TAF15: variants seen among roughly 807,000 people sequenced by gnomAD.
The protein encoded by TAF15 is TATA-box binding protein associated factor 15.
TAF15 carries 37 observed loss-of-function variants against 102.5 expected under a neutral mutation model. That is an observed-to-expected ratio of 0.36 (90% CI 0.28 to 0.47). The LOEUF is 0.47. Ranked by LOEUF, TAF15 falls within the 20% of genes least tolerant of loss-of-function variation. The probability of loss-of-function intolerance (pLI) is 0.99; values close to 1 mark genes in which losing one functional copy is unlikely to be tolerated. For synonymous variants in TAF15, 273 were observed against 259.2 expected (o/e 1.05, Z -0.51); for missense variants, 652 against 760.7 (o/e 0.86, Z 1.68).
intron 7 of TAF15, among the ~76,000 whole-genome samples, chr17:35,827,818 C>T (rs1367447222): frequency 2.0e-5 from 3 of 152,012 alleles, no homozygotes; most frequent in Admixed American, 6.6e-5. Context: ...GAAGAATTCC[C>T]GGTCAAAAAG....
chr17:35,832,844 T>G (rs2087423554), intron 7 of TAF15, among the ~76,000 whole-genome samples: 1 of 152,058 alleles, frequency 6.6e-6, no homozygotes, highest in Non-Finnish European at 1.5e-5. Context: ...CCACTGTCCT[T>G]GTGATTCTAA....
At chr17:35,822,315 G>A (rs970123110) in intron 5 of TAF15, among the ~76,000 whole-genome samples, 7 of 147,896 alleles carry the variant, frequency 4.7e-5, no homozygotes, top group African/African-American at 1.8e-4. Flanking sequence ...CACTCCAGCA[G>A]CCTGGGCAAC....
At chr17:35,818,723 A>G (rs1015668968) in intron 2 of TAF15, 4 of 151,988 alleles carry the variant, frequency 2.6e-5, no homozygotes, top group Non-Finnish European at 4.4e-5. Context: ...AGGTGGGAGG[A>G]TCACTTGAGC....
intron 12 of TAF15, among the ~76,000 whole-genome samples, chr17:35,843,119 T>TTTTATTTA (rs1180959131): frequency 2.6e-5 from 4 of 151,966 alleles, no homozygotes; most frequent in Non-Finnish European, 5.9e-5. Context: ...TTTTTTTATT[T>TTTTATTTA]TTTATTTATT....
At chr17:35,836,671 T>C (rs1367395211) in intron 10 of TAF15, among the ~76,000 whole-genome samples, 1 of 152,234 alleles carries the variant, frequency 6.6e-6, no homozygotes, top group Non-Finnish European at 1.5e-5. Flanking sequence ...ACTATTTTCA[T>C]GCATATGTTT....
At chr17:35,813,657 T>G (rs2087155447) in intron 1 of TAF15, among the ~76,000 whole-genome samples, 1 of 120,450 alleles carries the variant, frequency 8.3e-6, no homozygotes, top group Non-Finnish European at 1.7e-5. Flanking sequence ...AAAAAAAGAT[T>G]AAGAAACATG....
chr17:35,814,012 TTTTG>T (rs1035107095), intron 1 of TAF15, among the ~76,000 whole-genome samples: 3 of 151,696 alleles, frequency 2.0e-5, no homozygotes, highest in Admixed American at 6.6e-5. Flanking sequence ...TTGTTGTTGT[TTTTG>T]TTTTTTTTAA....
intron 12 of TAF15, among the ~76,000 whole-genome samples, chr17:35,842,764 ACT>A (rs1197116347): frequency 1.3e-5 from 2 of 151,404 alleles, no homozygotes; most frequent in South Asian, 2.1e-4. Context: ...ATGGTGTCTC[ACT>A]CTGTTGCTCA....
intron 7 of TAF15, among the ~76,000 whole-genome samples, chr17:35,831,983 C>A (rs1327889133): frequency 6.6e-6 from 1 of 152,076 alleles, no homozygotes; most frequent in African/African-American, 2.4e-5. Context: ...GAGGCTGAGG[C>A]AGGAGAATGG....
At chr17:35,814,078 A>T (rs993898440) in intron 1 of TAF15, among the ~76,000 whole-genome samples, 2 of 151,736 alleles carry the variant, frequency 1.3e-5, no homozygotes, top group East Asian at 3.9e-4. Flanking sequence ...GCTAATTTTT[A>T]AAATTTTTTG....
chr17:35,837,236 C>T (rs2087486475), intron 10 of TAF15, among the ~76,000 whole-genome samples: 1 of 152,104 alleles, frequency 6.6e-6, no homozygotes, highest in South Asian at 2.1e-4. Context: ...ACTGCAGCCT[C>T]AATCTCCTGG....
intron 5 of TAF15, among the ~76,000 whole-genome samples, chr17:35,822,054 G>A: frequency 6.6e-6 from 1 of 150,680 alleles, no homozygotes; most frequent in South Asian, 2.1e-4. Flanking sequence ...TTAATTCATA[G>A]AGATAGGCCA....
intron 9 of TAF15, among the ~76,000 whole-genome samples, chr17:35,835,177 T>G (rs1201680814): frequency 6.6e-6 from 1 of 152,234 alleles, no homozygotes; most frequent in Non-Finnish European, 1.5e-5. Context: ...TTACTGCTAG[T>G]TAGCATTAAT....
intron 11 of TAF15, among the ~76,000 whole-genome samples, chr17:35,842,159 A>G (rs2087556056): frequency 1.3e-5 from 2 of 151,972 alleles, no homozygotes; most frequent in Admixed American, 1.3e-4. Flanking sequence ...AAGCTTAGTA[A>G]GAAGTGACTG....
At position 35,844,547 on chromosome 17, in the gene TAF15, C is replaced by CGGCTATGGTGGAGACAGAAGTGGGGGT. The variant is rs1440860624; in HGVS notation, c.1269_1295dup (p.Gly424_Ser432dup). The CGGCTATGGTGGAGACAGAAGTGGGGGT allele has an allele frequency of 6.5e-4, 1,034 of 1,600,976 alleles. 2 individuals carry two copies. The highest frequency in any genetic ancestry group is 6.5e-4 in the Non-Finnish European group (764 of 1,174,566). ...GTGGGGGCAGAGGTGGAGACCGAGG[C>CGGCTATGGTGGAGACAGAAGTGGGGGT]GGCTATGGTGGAGACAGAAGTGGGG... is the stretch of plus-strand genomic sequence containing the variant. On this transcript the variant is annotated inframe_insertion, in exon 15 of 16. Transcript: ENST00000605844.
chr17:35,817,066 A>G (rs956040960), intron 1 of TAF15: 4 of 151,970 alleles, frequency 2.6e-5, no homozygotes, highest in Non-Finnish European at 4.4e-5. Context: ...TCAGCTTCCC[A>G]TAGTGCTGGG....
chr17:35,809,558 C>T lies in TAF15; in HGVS notation c.-12C>T, dbSNP rs780553592. On this transcript the variant is annotated 5_prime_UTR_variant, in exon 1 of 16. Transcript: ENST00000605844. ...GGCGGGCTGTGGGGCCTCCGCGCCGCGGCCGTTAGTCATGTCGGGTAGGTG... is the reference window on the plus strand; with the variant it reads ...GGCGGGCTGTGGGGCCTCCGCGCCGTGGCCGTTAGTCATGTCGGGTAGGTG... 6.2e-7 allele frequency: 1 copy of T among 1,613,304 alleles called. No individual in the cohort carries two copies. Among genetic ancestry groups the T allele is most frequent in the South Asian group, 1.1e-5 (1 of 91,060 alleles).
At chr17:35,824,818 G>A (rs991528086) in intron 7 of TAF15, among the ~76,000 whole-genome samples, 1 of 152,002 alleles carries the variant, frequency 6.6e-6, no homozygotes. Context: ...TTTTCTCCAT[G>A]CTAGTGTTAT....
Position 35,842,417 on chromosome 17 carries a change from C to T in TAF15, c.964C>T (p.Pro322Ser). 6.2e-7 allele frequency: 1 copy of T among 1,614,100 alleles called. No individual in the cohort carries two copies. The highest frequency in any genetic ancestry group is 8.5e-7 in the Non-Finnish European group (1 of 1,180,012). The change falls in exon 12 of 16, where the codon CCT becomes TCT. Residue 322 changes from proline (P) to serine (S), a missense_variant. Coordinates refer to ENST00000605844, the MANE Select transcript of TAF15 (RefSeq NM_139215.3). The part of the protein sequence containing the change: ...IIKVSFATRR[P>S]EFMRGGGSGG... ...TAAAGTGTCCTTTGCCACTAGAAGA[C>T]CTGAATTCATGAGAGGAGGTGGAAG...
Sources: gnomAD v4.1 joint callset for allele counts (sites outside exome capture counted in the v4.1 genomes callset) on GRCh38, gnomAD v4.1.1 for gene constraint, MANE v1.5 for transcripts, NCBI Gene and HGNC (gene_info 2026-07-23, HGNC 2026-07-21) for gene names.